The following ADAMTSL1 variants were observed in gnomAD, a reference collection of about 807,000 sequenced individuals.
ADAMTSL1 encodes ADAMTS like 1, also known as ADAMTS-like protein 1.
ADAMTSL1 carries 126 observed loss-of-function variants against 201.8 expected under a neutral mutation model. That is an observed-to-expected ratio of 0.62 (90% CI 0.54 to 0.72). ADAMTSL1 has a LOEUF of 0.72. Among genes scored for constraint, ADAMTSL1 ranks in the 30% least tolerant of loss-of-function variants. The probability of loss-of-function intolerance (pLI) is 0.00; values close to 1 mark genes in which losing one functional copy is unlikely to be tolerated. For missense variants in ADAMTSL1, 2,679 were observed against 2,277.8 expected, an observed-to-expected ratio of 1.18 and a Z score of -3.59; for synonymous variants, 1,121 against 903.4, an observed-to-expected ratio of 1.24 and a Z score of -4.32.
chr9:18,057,336 G>C (rs1822239750), intron 1 of ADAMTSL1, among the ~76,000 whole-genome samples: 1 of 152,140 alleles, frequency 6.6e-6, no homozygotes, highest in Non-Finnish European at 1.5e-5. Context: ...TCATTTTGGG[G>C]AAATTGGCTA....
intron 4 of ADAMTSL1, 127 bp from the exon 5 acceptor site, chr9:18,622,116 C>T (rs1054934931): frequency 8.3e-7 from 1 of 1,205,954 alleles, no homozygotes; most frequent in Non-Finnish European, 1.1e-6. Context: ...GAATTCAGTC[C>T]CCTTCACGGG....
intron 1 of ADAMTSL1, among the ~76,000 whole-genome samples, chr9:17,924,008 G>T: frequency 7.5e-6 from 1 of 132,806 alleles, no homozygotes; most frequent in South Asian, 3.1e-4. Flanking sequence ...TTTTTGATGT[G>T]CTGCTGGATT....
chr9:18,508,811 G>C (rs141834145), intron 2 of ADAMTSL1, among the ~76,000 whole-genome samples: 154 of 152,186 alleles, frequency 1.0e-3, no homozygotes, highest in African/African-American at 3.5e-3. Context: ...ATTACTACTT[G>C]ACTGTAATTA....
At chr9:18,165,472 A>G (rs1827590733) in intron 2 of ADAMTSL1, among the ~76,000 whole-genome samples, 1 of 151,936 alleles carries the variant, frequency 6.6e-6, no homozygotes, top group Admixed American at 6.6e-5. Flanking sequence ...ACTACCTAAT[A>G]TTACATTGAT....
chr9:18,464,010 G>A (rs1390599561), intron 2 of ADAMTSL1, among the ~76,000 whole-genome samples: 1 of 152,226 alleles, frequency 6.6e-6, no homozygotes, highest in Non-Finnish European at 1.5e-5. Flanking sequence ...TGCCAGAGGT[G>A]GGGAATGAAT....
At chr9:18,516,287 A>G (rs892108702) in intron 2 of ADAMTSL1, among the ~76,000 whole-genome samples, 1 of 152,182 alleles carries the variant, frequency 6.6e-6, no homozygotes. Flanking sequence ...TATTAAAAGC[A>G]AACAGAGGGT....
intron 13 of ADAMTSL1, among the ~76,000 whole-genome samples, chr9:18,698,334 G>A (rs1201580339): frequency 1.3e-5 from 2 of 152,030 alleles, no homozygotes; most frequent in African/African-American, 4.8e-5. Flanking sequence ...AGGCTGGAGT[G>A]CAGTGGCATG....
chr9:18,843,022 T>C (rs536720154), intron 23 of ADAMTSL1, among the ~76,000 whole-genome samples: 41 of 152,268 alleles, frequency 2.7e-4, no homozygotes, highest in Middle Eastern at 3.4e-3. Context: ...TTGGAGCATT[T>C]AGTCCATTGA....
chr9:17,982,348 C>T (rs1042782123), intron 1 of ADAMTSL1, among the ~76,000 whole-genome samples: 18 of 152,270 alleles, frequency 1.2e-4, no homozygotes, highest in Admixed American at 1.3e-4. Context: ...GGTGTGGTGG[C>T]TCACGTCTGT....
chr9:18,147,815 G>T (rs546197979), intron 1 of ADAMTSL1, among the ~76,000 whole-genome samples: 5 of 152,104 alleles, frequency 3.3e-5, no homozygotes, highest in Admixed American at 6.6e-5. Context: ...GTGGTTTACA[G>T]TTCAGAGCAC....
chr9:18,083,425 C>T (rs1823603154), intron 1 of ADAMTSL1, among the ~76,000 whole-genome samples: 1 of 152,176 alleles, frequency 6.6e-6, no homozygotes, highest in Non-Finnish European at 1.5e-5. Flanking sequence ...TGAGACTAGG[C>T]TTTTTTGGAT....
intron 1 of ADAMTSL1, among the ~76,000 whole-genome samples, chr9:18,042,861 C>G (rs1821488019): frequency 6.6e-6 from 1 of 152,094 alleles, no homozygotes; most frequent in Admixed American, 6.6e-5. Flanking sequence ...AGATGACATC[C>G]TCCCAAGTTT....
At chr9:18,711,952 C>A (rs1161721536) in intron 14 of ADAMTSL1, among the ~76,000 whole-genome samples, 31 of 152,240 alleles carry the variant, frequency 2.0e-4, no homozygotes, top group Non-Finnish European at 3.5e-4. Context: ...GACCCCCAAG[C>A]AGCCTAACTG....
intron 2 of ADAMTSL1, among the ~76,000 whole-genome samples, chr9:18,436,378 A>G (rs1819733036): frequency 6.6e-6 from 1 of 152,148 alleles, no homozygotes; most frequent in South Asian, 2.1e-4. Context: ...CACTCTTTTC[A>G]TGCTCTGCTC....
At chr9:18,556,167 C>T (rs555600361) in intron 3 of ADAMTSL1, among the ~76,000 whole-genome samples, 1 of 151,956 alleles carries the variant, frequency 6.6e-6, no homozygotes, top group Non-Finnish European at 1.5e-5. Flanking sequence ...AGGAAGTTGC[C>T]TCTGTCCAGA....
intron 4 of ADAMTSL1, among the ~76,000 whole-genome samples, chr9:18,602,671 A>G (rs1490062819): frequency 2.0e-5 from 3 of 152,188 alleles, no homozygotes; most frequent in African/African-American, 7.2e-5. Flanking sequence ...AATCTAGTAC[A>G]AGTTCCTTTT....
intron 2 of ADAMTSL1, among the ~76,000 whole-genome samples, chr9:18,180,898 A>G (rs1473685992): frequency 6.6e-6 from 1 of 152,236 alleles, no homozygotes; most frequent in African/African-American, 2.4e-5. Context: ...CTACAAGGCT[A>G]CAGTAACCAA....
intron 21 of ADAMTSL1, among the ~76,000 whole-genome samples, chr9:18,819,610 G>A (rs544431300): frequency 4.6e-5 from 7 of 152,270 alleles, no homozygotes; most frequent in Admixed American, 4.6e-4. Flanking sequence ...GTGCCGCCTA[G>A]GGCCCTCTCT....
chr9:17,909,799 G>A (rs1191533707), intron 1 of ADAMTSL1, among the ~76,000 whole-genome samples: 1 of 66,164 alleles, frequency 1.5e-5, no homozygotes, highest in African/African-American at 3.1e-5. Context: ...CATGGACACA[G>A]GAAGGGGAAC....
Sources: gnomAD v4.1 joint callset for allele counts (sites outside exome capture counted in the v4.1 genomes callset) on GRCh38, gnomAD v4.1.1 for gene constraint, MANE v1.5 for transcripts, NCBI Gene and HGNC (gene_info 2026-07-23, HGNC 2026-07-21) for gene names.